PAPPA2: variants seen among roughly 807,000 people sequenced by gnomAD.
The protein encoded by PAPPA2 is pappalysin-2.
In PAPPA2, 86 loss-of-function variants were observed where a neutral mutation model predicts 176.4. The observed-to-expected ratio is 0.49, with a 90% CI of 0.41 to 0.58. PAPPA2 has a LOEUF of 0.58. PAPPA2 is among the 20% of genes least tolerant of loss of function. The pLI, the probability that PAPPA2 is intolerant of heterozygous loss-of-function variation, is 0.00. For missense variants in PAPPA2, 2,073 were observed against 2,256.9 expected, an observed-to-expected ratio of 0.92 and a Z score of 1.65; for synonymous variants, 809 against 852.2, an observed-to-expected ratio of 0.95 and a Z score of 0.88.
chr1:176,487,374 T>C (rs943322804), intron 1 of PAPPA2, among the ~76,000 whole-genome samples: 4 of 152,182 alleles, frequency 2.6e-5, no homozygotes, highest in African/African-American at 9.7e-5. Flanking sequence ...TGTGGAAAAC[T>C]GACTCCTGGA....
intron 14 of PAPPA2, among the ~76,000 whole-genome samples, chr1:176,762,795 A>G (rs1663757350): frequency 6.6e-6 from 1 of 152,212 alleles, no homozygotes; most frequent in South Asian, 2.1e-4. Flanking sequence ...TGGGGAATTC[A>G]TGCTGACTCA....
intron 2 of PAPPA2, among the ~76,000 whole-genome samples, chr1:176,558,412 G>A (rs1158987251): frequency 1.3e-5 from 2 of 152,176 alleles, no homozygotes; most frequent in African/African-American, 4.8e-5. Flanking sequence ...AAAGAAGTCG[G>A]CAAGGAGGGA....
At chr1:176,534,516 A>C (rs1181426526) in intron 1 of PAPPA2, among the ~76,000 whole-genome samples, 3 of 152,228 alleles carry the variant, frequency 2.0e-5, no homozygotes, top group Non-Finnish European at 2.9e-5. Flanking sequence ...GATAAGAAAG[A>C]GGTAAGAAAA....
chr1:176,508,400 CTG>C (rs1159770214), intron 1 of PAPPA2, among the ~76,000 whole-genome samples: 2 of 151,840 alleles, frequency 1.3e-5, no homozygotes, highest in Non-Finnish European at 2.9e-5. Flanking sequence ...AATATGAACA[CTG>C]AGGATAAAAA....
intron 1 of PAPPA2, among the ~76,000 whole-genome samples, chr1:176,497,353 C>T (rs1647685982): frequency 6.6e-6 from 1 of 152,132 alleles, no homozygotes; most frequent in African/African-American, 2.4e-5. Context: ...TTTCTGGGGA[C>T]AGCATATTTA....
rs1663930521 is a variant in PAPPA2, at chr1:176,765,673, C to A, written c.4159C>A (p.His1387Asn). The change falls in exon 15 of 23, where the codon CAT becomes AAT. Residue 1387 changes from histidine to asparagine, a missense_variant. Physicochemically the swap from His to Asn is moderately conservative, Grantham distance 68. Around this residue, in one of 4 missense-constraint regions of PAPPA2, gnomAD observed 846 missense variants for 857.9 expected, o/e 0.99. Coordinates refer to ENST00000367662, the MANE Select transcript of PAPPA2 (RefSeq NM_020318.3). ...GQNHQGQSCI[H>N]RPCGKQDSCP... ...CTATTTCTCTTATCCCAGCTGTATC[C>A]ATCGGCCCTGTGGGAAGCAGGACAG... 6.2e-7 allele frequency: 1 copy of A among 1,613,732 alleles called. No individual in the cohort carries two copies. Among genetic ancestry groups the A allele is most frequent in the African/African-American group, 1.3e-5 (1 of 74,900 alleles).
chr1:176,562,285 A>G (rs1651719834), intron 2 of PAPPA2, among the ~76,000 whole-genome samples: 1 of 152,170 alleles, frequency 6.6e-6, no homozygotes, highest in Non-Finnish European at 1.5e-5. Context: ...CCTTCTCCCA[A>G]TAAGGGAGGT....
intron 3 of PAPPA2, among the ~76,000 whole-genome samples, chr1:176,633,753 AC>A (rs1305758645): frequency 7.1e-6 from 1 of 141,822 alleles, no homozygotes; most frequent in Non-Finnish European, 1.5e-5. Context: ...CAAGAAAAAA[AC>A]AAACAACCCC....
At chr1:176,806,475 G>A (rs781650854) in intron 21 of PAPPA2, among the ~76,000 whole-genome samples, 4 of 152,068 alleles carry the variant, frequency 2.6e-5, no homozygotes, top group Non-Finnish European at 4.4e-5. Flanking sequence ...AGTAAAGTAG[G>A]GACAATACAG....
chr1:176,544,118 A>G (rs1650500735), intron 1 of PAPPA2, among the ~76,000 whole-genome samples: 1 of 152,170 alleles, frequency 6.6e-6, no homozygotes, highest in South Asian at 2.1e-4. Flanking sequence ...CTGGACTTTC[A>G]TGGGGATATC....
At chr1:176,573,989 G>GATTACAGGTGCCCAGCAGCACGCCTGGCT (rs1652500837) in intron 2 of PAPPA2, among the ~76,000 whole-genome samples, 1 of 151,914 alleles carries the variant, frequency 6.6e-6, no homozygotes, top group Non-Finnish European at 1.5e-5. Flanking sequence ...AGGGGAAGTG[G>GATTACAGGTGCCCAGCAGCACGCCTGGCT]AATTTTTAGA....
chr1:176,664,921 C>T (rs1187988583), intron 3 of PAPPA2, among the ~76,000 whole-genome samples: 1 of 152,152 alleles, frequency 6.6e-6, no homozygotes, highest in East Asian at 1.9e-4. Context: ...AGAAGGGAAA[C>T]AATATTCACC....
rs1652522845 is a variant in PAPPA2, at chr1:176,483,864, C to T, written c.-917+20446C>T. On this transcript the variant is annotated intron_variant, in intron 1 of 22. Transcript: ENST00000367662. ...GAGGGAATGGGGAGAAGCTGCAACT[C>T]GTCCACAATGGCTCCTGAGGGGAGG... Among the ~76,000 whole-genome samples the T allele has an allele frequency of 2.0e-5, 3 of 152,138 alleles. No individual in the cohort carries two copies. In the East Asian group the frequency reaches 5.8e-4, roughly 29 times the overall value.
At chr1:176,690,862 A>G (rs1660089242) in intron 5 of PAPPA2, 2 of 991,912 alleles carry the variant, frequency 2.0e-6, no homozygotes, top group Non-Finnish European at 2.4e-6. Flanking sequence ...AAGTTGGTCA[A>G]CAAGGTGGCT....
At chr1:176,807,695 C>G (rs958258224) in intron 21 of PAPPA2, among the ~76,000 whole-genome samples, 6 of 152,028 alleles carry the variant, frequency 3.9e-5, no homozygotes, top group Non-Finnish European at 5.9e-5. Flanking sequence ...AGGGTTTCAT[C>G]ATCTTGGCCA....
At chr1:176,663,995 C>T (rs1300186358) in intron 3 of PAPPA2, among the ~76,000 whole-genome samples, 3 of 152,126 alleles carry the variant, frequency 2.0e-5, no homozygotes, top group Non-Finnish European at 2.9e-5. Context: ...TGGTGAAATA[C>T]ACTCTTTTCC....
chr1:176,475,810 C>T (rs1572946746), intron 1 of PAPPA2, among the ~76,000 whole-genome samples: 1 of 151,676 alleles, frequency 6.6e-6, no homozygotes. Flanking sequence ...AGAGCCATGG[C>T]CATTGGTCCA....
chr1:176,601,614 G>A (rs760876424), intron 3 of PAPPA2, among the ~76,000 whole-genome samples: 18 of 152,208 alleles, frequency 1.2e-4, no homozygotes, highest in Non-Finnish European at 2.6e-4. Context: ...GGCTACATAA[G>A]CCAGATGTCT....
intron 9 of PAPPA2, among the ~76,000 whole-genome samples, chr1:176,703,765 C>A (rs1354755638): frequency 6.6e-6 from 1 of 152,130 alleles, no homozygotes; most frequent in Non-Finnish European, 1.5e-5. Flanking sequence ...AAAATGTTCC[C>A]AGCCCTCGAT....
Sources: gnomAD v4.1 joint callset for allele counts (sites outside exome capture counted in the v4.1 genomes callset) on GRCh38, gnomAD v4.1.1 for gene constraint, gnomAD v4.1.1 regional missense constraint, MANE v1.5 for transcripts, NCBI Gene and HGNC (gene_info 2026-07-23, HGNC 2026-07-21) for gene names.